Variants in DPP10 observed in about 807,000 individuals in gnomAD.
DPP10 encodes dipeptidyl peptidase like 10, also known as inactive dipeptidyl peptidase 10.
A neutral mutation model predicts 120.9 loss-of-function variants in DPP10; 33 were observed. The observed-to-expected ratio is 0.27, with a 90% CI of 0.21 to 0.37. The LOEUF (loss-of-function observed/expected upper bound fraction) is 0.37, where lower values mean the gene tolerates loss of function less well. DPP10 is among the 10% of genes least tolerant of loss of function. DPP10 has a pLI of 1.00. For synonymous variants in DPP10, 337 were observed against 326.1 expected (o/e 1.03, Z -0.36); for missense variants, 816 against 942.8 (o/e 0.87, Z 1.76).
chr2:115,817,890 A>C (rs1174223654), intron 21 of DPP10, among the ~76,000 whole-genome samples: 1 of 152,126 alleles, frequency 6.6e-6, no homozygotes, highest in Non-Finnish European at 1.5e-5. Context: ...GGTTGAGTTC[A>C]TGAAAAAAAA....
chr2:115,538,291 G>A (rs1447195954), intron 5 of DPP10, among the ~76,000 whole-genome samples: 2 of 151,954 alleles, frequency 1.3e-5, no homozygotes, highest in African/African-American at 4.8e-5. Context: ...CTTTGAAGCT[G>A]GCTGAATAGC....
intron 1 of DPP10, among the ~76,000 whole-genome samples, chr2:115,243,698 A>G (rs1005486344): frequency 1.3e-5 from 2 of 152,022 alleles, no homozygotes; most frequent in Non-Finnish European, 2.9e-5. Context: ...ACTCATACAA[A>G]TCTGTATCAT....
intron 25 of DPP10, 61 bp from the exon 26 acceptor site, chr2:115,842,150 G>T: frequency 3.4e-6 from 5 of 1,479,788 alleles, no homozygotes; most frequent in Non-Finnish European, 3.6e-6. Context: ...CTCAGAAAAT[G>T]AATGCGAGAG....
intron 1 of DPP10, among the ~76,000 whole-genome samples, chr2:114,790,574 C>T (rs531024802): frequency 7.9e-5 from 12 of 151,714 alleles, no homozygotes; most frequent in African/African-American, 1.9e-4. Flanking sequence ...AAAGAGAGTC[C>T]GCAAAGGGAG....
chr2:114,462,000 G>C, intron 1 of DPP10: 1 of 985,348 alleles, frequency 1.0e-6, no homozygotes, highest in Non-Finnish European at 1.2e-6. Context: ...TCGAAAGGAA[G>C]TGCTACAATA....
At chr2:115,050,436 A>G (rs1197529184) in intron 1 of DPP10, among the ~76,000 whole-genome samples, 2 of 152,148 alleles carry the variant, frequency 1.3e-5, no homozygotes, top group South Asian at 2.1e-4. Flanking sequence ...GCTTGCCTTA[A>G]TGTCTCATAA....
chr2:114,680,811 A>C (rs2105705397), intron 1 of DPP10, among the ~76,000 whole-genome samples: 1 of 152,112 alleles, frequency 6.6e-6, no homozygotes, highest in Non-Finnish European at 1.5e-5. Context: ...AAAATGATGA[A>C]ACAAGCATGG....
At chr2:115,669,554 C>CATATCTTTATTTA (rs1193162779) in intron 5 of DPP10, among the ~76,000 whole-genome samples, 2 of 152,106 alleles carry the variant, frequency 1.3e-5, no homozygotes, top group African/African-American at 4.8e-5. Flanking sequence ...CTTAATAATA[C>CATATCTTTATTTA]ATATCTTTAT....
chr2:115,445,784 G>A (rs1463622663), intron 3 of DPP10, among the ~76,000 whole-genome samples: 1 of 152,210 alleles, frequency 6.6e-6, no homozygotes. Context: ...CATAAGTAAT[G>A]AGGAGCTGAA....
At chr2:115,226,973 G>A (rs1448887308) in intron 1 of DPP10, among the ~76,000 whole-genome samples, 1 of 152,062 alleles carries the variant, frequency 6.6e-6, no homozygotes, top group Non-Finnish European at 1.5e-5. Flanking sequence ...CTGAACCAAG[G>A]CACATTTATT....
intron 1 of DPP10, among the ~76,000 whole-genome samples, chr2:114,453,750 C>T (rs1678413349): frequency 6.6e-6 from 1 of 152,266 alleles, no homozygotes; most frequent in East Asian, 1.9e-4. Flanking sequence ...TGATCTTTGA[C>T]TTTTGTTTGC....
intron 17 of DPP10, among the ~76,000 whole-genome samples, chr2:115,790,497 T>C (rs1267284018): frequency 1.3e-5 from 2 of 152,240 alleles, no homozygotes; most frequent in African/African-American, 4.8e-5. Context: ...ATCAAATTTT[T>C]TGATGTTTCA....
rs1001835146 is a variant in DPP10, at chr2:114,584,508, T to C, written c.60+141670T>C. 2.0e-5 allele frequency among the ~76,000 whole-genome samples: 3 copies of C among 151,084 alleles called. No individual in the cohort carries two copies. In the South Asian group the frequency reaches 6.4e-4, roughly 32 times the overall value. The stretch of plus-strand genomic sequence containing the variant: ...GTGCTGCACCCATTAACTCGTCATT[T>C]AGCATTAGGTATATCTCCTAATGCT... On this transcript the variant is annotated intron_variant, in intron 1 of 25. Transcript: ENST00000410059.
chr2:115,794,375 A>C (rs1002696064), intron 19 of DPP10, among the ~76,000 whole-genome samples: 1 of 152,194 alleles, frequency 6.6e-6, no homozygotes, highest in African/African-American at 2.4e-5. Context: ...TTGGAAACCC[A>C]GTTCTGCTCA....
At chr2:114,973,685 T>TAAAAAAAAAAAAAAAAAAAA (rs1699554364) in intron 1 of DPP10, among the ~76,000 whole-genome samples, 1 of 68,922 alleles carries the variant, frequency 1.5e-5, no homozygotes, top group African/African-American at 5.6e-5. Flanking sequence ...AAAAAAAAAG[T>TAAAAAAAAAAAAAAAAAAAA]TAACTGTAAA....
At chr2:115,163,896 T>C (rs2052629872) in intron 1 of DPP10, among the ~76,000 whole-genome samples, 1 of 151,938 alleles carries the variant, frequency 6.6e-6, no homozygotes, top group Non-Finnish European at 1.5e-5. Context: ...GGACACGCTG[T>C]CTATACACAA....
chr2:115,648,667 T>A (rs1422474588), intron 5 of DPP10, among the ~76,000 whole-genome samples: 3 of 150,222 alleles, frequency 2.0e-5, no homozygotes, highest in Admixed American at 2.0e-4. Flanking sequence ...ATTGAAAAAA[T>A]TTAATAAAAC....
chr2:115,453,162 TAAGAA>T (rs2073250855), intron 3 of DPP10, among the ~76,000 whole-genome samples: 1 of 151,518 alleles, frequency 6.6e-6, no homozygotes, highest in African/African-American at 2.4e-5. Context: ...ACTCCTCACT[TAAGAA>T]AAGATATTCT....
chr2:115,463,437 G>T (rs1299425142), intron 3 of DPP10, among the ~76,000 whole-genome samples: 9 of 152,168 alleles, frequency 5.9e-5, no homozygotes, highest in Non-Finnish European at 2.9e-5. Flanking sequence ...TGAAGGAAAG[G>T]TTTCTGAGGT....
Sources: gnomAD v4.1 joint callset for allele counts (sites outside exome capture counted in the v4.1 genomes callset) on GRCh38, gnomAD v4.1.1 for gene constraint, MANE v1.5 for transcripts, NCBI Gene and HGNC (gene_info 2026-07-23, HGNC 2026-07-21) for gene names.